The following ISL2 variants were observed in gnomAD, a reference collection of about 807,000 sequenced individuals.
The protein encoded by ISL2 is insulin gene enhancer protein ISL-2.
In ISL2, 17 loss-of-function variants were observed where a neutral mutation model predicts 34.6. The ratio of observed to expected loss-of-function variants is 0.49; its 90% CI spans 0.34 to 0.74. ISL2 has a LOEUF of 0.74. Ranked by LOEUF, ISL2 falls within the 30% of genes least tolerant of loss-of-function variation. The pLI is 0.01. For missense variants in ISL2, 469 were observed against 515.2 expected (o/e 0.91, Z 0.87); for synonymous variants, 232 against 225.5 (o/e 1.03, Z -0.26).
At chr15:76,337,262 T>G (rs1411554769) in intron 1 of ISL2, among the ~76,000 whole-genome samples, 1 of 151,214 alleles carries the variant, frequency 6.6e-6, no homozygotes, top group Non-Finnish European at 1.5e-5. Context: ...TTTGTTTGCC[T>G]TTCGGTTTTT....
At chr15:76,341,659 C>G (rs2040195696) in intron 5 of ISL2, 60 bp from the exon 6 acceptor site, 1 of 1,278,054 alleles carries the variant, frequency 7.8e-7, no homozygotes, top group Admixed American at 1.7e-5. Context: ...GCACGCGGCC[C>G]TGGAGCACCA....
chr15:76,337,431 G>A (rs1049962752), intron 1 of ISL2: 45 of 338,736 alleles, frequency 1.3e-4, no homozygotes, highest in Admixed American at 9.5e-4. Context: ...GGACAGCACC[G>A]TTAGGTGTTG....
chr15:76,338,701 G>A, intron 3 of ISL2, 187 bp downstream of exon 3: 1 of 985,402 alleles, frequency 1.0e-6, no homozygotes, highest in Non-Finnish European at 1.2e-6. Context: ...CGTGTGCTCG[G>A]GAGAAACTGC....
chr15:76,340,260 C>A lies in ISL2; in HGVS notation c.512-16C>A. 6.3e-7 allele frequency: 1 copy of A among 1,581,554 alleles called. No homozygotes were observed. The highest frequency in any genetic ancestry group is 8.6e-7 in the Non-Finnish European group (1 of 1,166,986). On this transcript the variant is annotated splice_polypyrimidine_tract_variant and intron_variant, in intron 3 of 5. Coordinates refer to ENST00000290759, the MANE Select transcript of ISL2 (RefSeq NM_145805.3). ...GCGGCCCCTCGCTAACCTCTGGCCT[C>A]ACCCTGTCCTGGCAGACGCTGGGTC... is the stretch of plus-strand genomic sequence containing the variant.
chr15:76,339,011 G>C (rs2040173154), intron 3 of ISL2: 1 of 985,280 alleles, frequency 1.0e-6, no homozygotes, highest in Non-Finnish European at 1.2e-6. Flanking sequence ...TTGTTTTGAG[G>C]CCCAGTTTGA....
intron 2 of ISL2, 22 bp from the exon 3 acceptor site, chr15:76,338,230 C>A: frequency 6.5e-7 from 1 of 1,534,930 alleles, no homozygotes; most frequent in African/African-American, 1.4e-5. Context: ...AGCGCTGACA[C>A]CGCCGCACCT....
At chr15:76,337,735 C>T (rs2040161790) in intron 1 of ISL2, 43 bp from the exon 2 acceptor site, 2 of 1,498,908 alleles carry the variant, frequency 1.3e-6, no homozygotes, top group African/African-American at 2.8e-5. Flanking sequence ...GGCCTGGGTC[C>T]GGGCAGTCAG....
chr15:76,337,321 A>G (rs1036070439), intron 1 of ISL2: 3 of 333,520 alleles, frequency 9.0e-6, no homozygotes, highest in Non-Finnish European at 1.6e-5. Flanking sequence ...TTAAACTAAG[A>G]AATGTCTGAG....
At chr15:76,341,630 G>A (rs2040195477) in intron 5 of ISL2, 89 bp from the exon 6 acceptor site, 16 of 1,029,944 alleles carry the variant, frequency 1.6e-5, no homozygotes, top group Non-Finnish European at 2.3e-5. Flanking sequence ...GGTCCCCAAG[G>A]GACACTTTCC....
At chr15:76,337,040 T>C in intron 1 of ISL2, 99 bp downstream of exon 1, 1 of 1,095,824 alleles carries the variant, frequency 9.1e-7, no homozygotes. Flanking sequence ...TACAAGTGGC[T>C]TCTATTTGTC....
At chr15:76,337,291 T>G in intron 1 of ISL2, 1 of 377,618 alleles carries the variant, frequency 2.6e-6, no homozygotes, top group Non-Finnish European at 4.7e-6. Flanking sequence ...GGAAGCTTTC[T>G]TTCGCTTGCT....
Position 76,337,736 on chromosome 15 carries a change from G to A in ISL2, c.59-42G>A, listed in dbSNP as rs1052806121. 8.7e-6 allele frequency: 13 copies of A among 1,500,852 alleles called. No homozygotes were observed. In the East Asian group the frequency reaches 3.1e-4, roughly 36 times the overall value. 93.0% of individuals were successfully genotyped at this position (1,500,852 alleles called of 1,614,324 possible). On this transcript the variant is annotated intron_variant, in intron 1 of 5. Coordinates refer to ENST00000290759, the MANE Select transcript of ISL2 (RefSeq NM_145805.3). ...GAGTAGCCGAGGCCGGCCTGGGTCC[G>A]GGCAGTCAGGCCTGACGCGGCCCCG...
rs2040185244 is a variant in ISL2 at position 76,340,459 on chromosome 15, C to T, written c.695C>T (p.Pro232Leu). The T allele has an allele frequency of 1.2e-6, 2 of 1,613,822 alleles. No homozygotes were observed. Among genetic ancestry groups the T allele is most frequent in the East Asian group, 2.2e-5 (1 of 44,870 alleles). Residue 232 changes from proline (P) to leucine (L), a missense_variant, in exon 4 of 6, where the codon CCG (proline) becomes CTG (leucine). By Grantham distance (98) the Pro-to-Leu change is moderately conservative (BLOSUM62 -3). Transcript: ENST00000290759. ...CTGGTGGAGATGACCGGCCTGAGCC[C>T]GCGGGTCATCCGCGTCTGGTTCCAG... ...EQLVEMTGLS[P>L]RVIRVWFQNK...
chr15:76,337,701 G>A, intron 1 of ISL2, 77 bp from the exon 2 acceptor site: 4 of 1,342,592 alleles, frequency 3.0e-6, no homozygotes, highest in South Asian at 1.5e-5. Flanking sequence ...AGCGGGTTGG[G>A]TTGGGGCTGG....
intron 5 of ISL2, 25 bp downstream of exon 5, chr15:76,341,326 G>T (rs1448715937): frequency 1.9e-6 from 3 of 1,571,090 alleles, no homozygotes; most frequent in African/African-American, 2.7e-5. Flanking sequence ...TACCCGCCCC[G>T]ACCTCGGGAC....
chr15:76,340,755 C>T (rs891009845), intron 4 of ISL2, among the ~76,000 whole-genome samples, 196 bp downstream of exon 4: 1 of 152,258 alleles, frequency 6.6e-6, no homozygotes, highest in African/African-American at 2.4e-5. Context: ...CGGGGTTTCT[C>T]CTTGTCCCAG....
Position 76,342,004 on chromosome 15 carries a change from G to A in ISL2, c.*169G>A, listed in dbSNP as rs2040198052. 2 of 598,454 alleles carry A rather than the reference G, an allele frequency of 3.3e-6. No individual in the cohort carries two copies. Among genetic ancestry groups the A allele is most frequent in the South Asian group, 4.1e-5 (2 of 48,920 alleles). The allele number at this position is 598,454 out of a possible 1,614,324, so 37.1% of individuals were successfully genotyped here. On this transcript the variant is annotated 3_prime_UTR_variant, in exon 6 of 6. Transcript: ENST00000290759. ...TCTGGACAGCCCAAGGCGCCAGGAT[G>A]CAACCTGCTTTCACCAGACTGCAGA...
chr15:76,339,560 G>A, intron 3 of ISL2: 14 of 985,658 alleles, frequency 1.4e-5, no homozygotes, highest in Non-Finnish European at 1.6e-5. Flanking sequence ...CCCCGGGATG[G>A]AGAGAACCTG....
At chr15:76,340,587 A>G in intron 4 of ISL2, 28 bp downstream of exon 4, 1 of 1,587,608 alleles carries the variant, frequency 6.3e-7, no homozygotes, top group Non-Finnish European at 8.6e-7. Flanking sequence ...CGGAGGCTCG[A>G]GTCGGGTGGG....
Sources: gnomAD v4.1 joint callset for allele counts (sites outside exome capture counted in the v4.1 genomes callset) on GRCh38, gnomAD v4.1.1 for gene constraint, MANE v1.5 for transcripts, NCBI Gene and HGNC (gene_info 2026-07-23, HGNC 2026-07-21) for gene names.